The following MARCHF8 variants were observed in gnomAD, a reference collection of about 807,000 sequenced individuals.
The protein encoded by MARCHF8 is E3 ubiquitin-protein ligase MARCHF8.
A neutral mutation model predicts 51.6 loss-of-function variants in MARCHF8; 40 were observed. The ratio of observed to expected loss-of-function variants is 0.77; its 90% CI spans 0.60 to 1.01. The LOEUF (loss-of-function observed/expected upper bound fraction) is 1.01, where lower values mean the gene tolerates loss of function less well. Ranked by LOEUF, MARCHF8 falls within the 50% of genes least tolerant of loss-of-function variation. The probability of loss-of-function intolerance (pLI) is 0.00; values close to 1 mark genes in which losing one functional copy is unlikely to be tolerated. For missense variants in MARCHF8, 685 were observed against 708.6 expected (o/e 0.97, Z 0.38); for synonymous variants, 263 against 280.3 (o/e 0.94, Z 0.62).
chr10:45,459,189 A>G lies in MARCHF8; in HGVS notation c.1348T>C (p.Cys450Arg), dbSNP rs1448128581. The change falls in exon 7 of 8, where the codon TGT becomes CGT. Residue 450 changes from cysteine (C) to arginine (R), a missense_variant. Cys to Arg is a radical substitution (Grantham distance 180, BLOSUM62 -3). Transcript: ENST00000453424. ...SVTFHVIAITCVVWSLYVLID... is the reference protein window; with the variant it reads ...SVTFHVIAITRVVWSLYVLID... ...AGCACATACAAGGACCAGACCACAC[A>G]TGTGATGGCAATGACGTGGAATGTC... is the stretch of plus-strand genomic sequence containing the variant. 1.9e-6 allele frequency: 3 copies of G among 1,613,948 alleles called. No homozygotes were observed. The highest frequency in any genetic ancestry group is 2.5e-6 in the Non-Finnish European group (3 of 1,179,996).
chr10:45,473,609 G>C (rs879630522), intron 3 of MARCHF8, among the ~76,000 whole-genome samples: 7 of 151,136 alleles, frequency 4.6e-5, no homozygotes, highest in Non-Finnish European at 7.4e-5. Flanking sequence ...GGCATCAAGA[G>C]AGGCTCCAAA....
intron 1 of MARCHF8, among the ~76,000 whole-genome samples, chr10:45,553,800 A>G (rs1366542925): frequency 1.3e-5 from 2 of 151,688 alleles, no homozygotes; most frequent in East Asian, 3.9e-4. Flanking sequence ...ATTAGGAGGC[A>G]GAAACTATAC....
At chr10:45,522,923 A>G (rs1432087043) in intron 2 of MARCHF8, among the ~76,000 whole-genome samples, 2 of 152,172 alleles carry the variant, frequency 1.3e-5, no homozygotes, top group Non-Finnish European at 2.9e-5. Context: ...CAAGTGAGCT[A>G]TAATTGCACC....
chr10:45,592,498 G>GA (rs2044692147), intron 1 of MARCHF8, among the ~76,000 whole-genome samples: 2 of 152,008 alleles, frequency 1.3e-5, no homozygotes, highest in South Asian at 2.1e-4. Flanking sequence ...TTCAAGGCTC[G>GA]AAAAAATGAG....
chr10:45,555,121 C>T (rs1277393183), intron 1 of MARCHF8, among the ~76,000 whole-genome samples: 1 of 151,780 alleles, frequency 6.6e-6, no homozygotes, highest in African/African-American at 2.4e-5. Context: ...CACAGCTACT[C>T]AGGAGGCCAA....
Position 45,525,256 on chromosome 10 carries a change from C to A in MARCHF8, c.102+7854G>T, listed in dbSNP as rs2043772378. Among the ~76,000 whole-genome samples, 4 of 152,120 alleles carry A rather than the reference C, an allele frequency of 2.6e-5. No homozygotes were observed. The South Asian group carries it at 8.3e-4, about 32-fold the overall frequency. On this transcript the variant is annotated intron_variant, in intron 2 of 7. Coordinates refer to ENST00000453424, the MANE Select transcript of MARCHF8 (RefSeq NM_001282866.2). ...CTGCATGGTAAAATCCTCCTTTTGA[C>A]CTCAGTAGCAGGACAACAGGGCCAA... is the stretch of plus-strand genomic sequence containing the variant.
At chr10:45,525,943 T>C (rs1012661138) in intron 2 of MARCHF8, among the ~76,000 whole-genome samples, 18 of 152,290 alleles carry the variant, frequency 1.2e-4, no homozygotes, top group African/African-American at 3.9e-4. Context: ...AAATGTAATA[T>C]GCTACATCCT....
At chr10:45,557,885 T>C (rs1422298153) in intron 1 of MARCHF8, among the ~76,000 whole-genome samples, 2 of 152,272 alleles carry the variant, frequency 1.3e-5, no homozygotes, top group East Asian at 1.9e-4. Context: ...GGGGAAGCAC[T>C]ATGCAAGTCT....
At chr10:45,519,372 A>G (rs1460185056) in intron 2 of MARCHF8, among the ~76,000 whole-genome samples, 1 of 152,204 alleles carries the variant, frequency 6.6e-6, no homozygotes, top group East Asian at 1.9e-4. Flanking sequence ...ATCCATCCAC[A>G]ATGAGAACAG....
intron 2 of MARCHF8, among the ~76,000 whole-genome samples, chr10:45,497,162 T>C (rs1198469612): frequency 6.6e-6 from 1 of 151,972 alleles, no homozygotes; most frequent in East Asian, 1.9e-4. Context: ...TAAAAAGGGG[T>C]AGTCATTATA....
chr10:45,594,509 G>C (rs1390929683), exon 1 of MARCHF8: 1 of 152,286 alleles, frequency 6.6e-6, no homozygotes, highest in African/African-American at 2.4e-5. Flanking sequence ...GCGAGCACCG[G>C]GGCAGAGAGA....
chr10:45,511,165 T>C (rs2043493132), intron 2 of MARCHF8, among the ~76,000 whole-genome samples: 2 of 152,178 alleles, frequency 1.3e-5, no homozygotes, highest in Admixed American at 1.3e-4. Context: ...ATTTTCTGAA[T>C]ATGAAGTAAG....
At chr10:45,568,111 G>A (rs1489465866) in intron 1 of MARCHF8, among the ~76,000 whole-genome samples, 1 of 151,962 alleles carries the variant, frequency 6.6e-6, no homozygotes. Context: ...TACTGATTTT[G>A]GTACGTTAAT....
chr10:45,464,182 C>T (rs1486844471), intron 4 of MARCHF8, 57 bp downstream of exon 4: 2 of 1,585,938 alleles, frequency 1.3e-6, no homozygotes, highest in Admixed American at 1.7e-5. Flanking sequence ...CCTACAGACA[C>T]TAATGCTTAT....
intron 1 of MARCHF8, among the ~76,000 whole-genome samples, chr10:45,545,569 T>A (rs896911229): frequency 6.6e-6 from 1 of 152,236 alleles, no homozygotes; most frequent in Non-Finnish European, 1.5e-5. Flanking sequence ...TGGAATGTAA[T>A]CTAAGTATCT....
intron 3 of MARCHF8, among the ~76,000 whole-genome samples, chr10:45,488,202 G>T (rs1223317755): frequency 1.3e-5 from 2 of 152,116 alleles, no homozygotes; most frequent in African/African-American, 4.8e-5. Flanking sequence ...TTCCCTAGCT[G>T]CCTTCCAGCT....
intron 1 of MARCHF8, among the ~76,000 whole-genome samples, chr10:45,562,993 T>A (rs925622100): frequency 7.3e-5 from 11 of 151,442 alleles, no homozygotes; most frequent in Admixed American, 6.6e-4. Context: ...AAAACCCACA[T>A]ATATACAGTC....
intron 2 of MARCHF8, among the ~76,000 whole-genome samples, chr10:45,532,430 C>G: frequency 6.6e-6 from 1 of 152,206 alleles, no homozygotes; most frequent in East Asian, 1.9e-4. Context: ...TGCCAGAACT[C>G]TAATCCATAA....
intron 1 of MARCHF8, among the ~76,000 whole-genome samples, chr10:45,580,292 T>C (rs1020817112): frequency 3.9e-5 from 6 of 152,050 alleles, no homozygotes; most frequent in Non-Finnish European, 7.4e-5. Flanking sequence ...AATGGGCAGT[T>C]AGGATGATCT....
Sources: gnomAD v4.1 joint callset for allele counts (sites outside exome capture counted in the v4.1 genomes callset) on GRCh38, gnomAD v4.1.1 for gene constraint, MANE v1.5 for transcripts, NCBI Gene and HGNC (gene_info 2026-07-23, HGNC 2026-07-21) for gene names.